MAPT: variants seen among roughly 807,000 people sequenced by gnomAD.
The protein encoded by MAPT is microtubule associated protein tau.
In MAPT, 34 loss-of-function variants were observed where a neutral mutation model predicts 67.9. The observed-to-expected ratio is 0.50, with a 90% confidence interval of 0.38 to 0.67. MAPT has a LOEUF of 0.67. Among genes scored for constraint, MAPT ranks in the 30% least tolerant of loss-of-function variants. The pLI, the probability that MAPT is intolerant of heterozygous loss-of-function variation, is 0.00. For missense variants in MAPT, 881 were observed against 1,115.2 expected (o/e 0.79, Z 2.99); for synonymous variants, 456 against 464.5 (o/e 0.98, Z 0.23).
rs2076845459 is a variant in MAPT at position 46,027,245 on chromosome 17, G to GTGGGGCAGGCTCT, written c.*3081_*3093dup. ...CGGAAGGCTCTGGGATCTCCCCCTT[G>GTGGGGCAGGCTCT]TGGGGCAGGCTCTTGGGGCCAGCCT... On this transcript the variant is annotated 3_prime_UTR_variant, in exon 13 of 13. Coordinates refer to ENST00000262410, the MANE Select transcript of MAPT (RefSeq NM_001377265.1). 1 of 146,112 alleles carries GTGGGGCAGGCTCT rather than the reference G, an allele frequency of 6.8e-6. No individual in the cohort carries two copies. The highest frequency in any genetic ancestry group is 2.4e-4 in the East Asian group (1 of 4,100). The allele number at this position is 146,112 out of a possible 1,614,324, so 9.1% of individuals were successfully genotyped here. A position where few individuals can be genotyped will look rare whatever the true frequency, so the allele number is the denominator to read the frequency against.
chr17:45,982,483 G>A (rs560385570), intron 4 of MAPT, among the ~76,000 whole-genome samples: 9 of 152,148 alleles, frequency 5.9e-5, no homozygotes, highest in East Asian at 5.8e-4. Flanking sequence ...TAGCCCTCCC[G>A]CTTTCCCAGT....
intron 1 of MAPT, among the ~76,000 whole-genome samples, chr17:45,936,466 A>G (rs901316669): frequency 1.5e-4 from 23 of 152,216 alleles, no homozygotes; most frequent in African/African-American, 5.3e-4. Context: ...CAGCATCAAT[A>G]ATGCATTCTG....
intron 9 of MAPT, among the ~76,000 whole-genome samples, chr17:46,002,180 G>A (rs1338323608): frequency 2.0e-5 from 3 of 152,206 alleles, no homozygotes; most frequent in African/African-American, 7.2e-5. Context: ...GACATCGCCC[G>A]ACAGGACAGA....
chr17:45,940,725 A>G (rs548440699), intron 1 of MAPT, among the ~76,000 whole-genome samples: 19 of 152,292 alleles, frequency 1.2e-4, no homozygotes, highest in African/African-American at 4.6e-4. Context: ...CATTTGCCAA[A>G]GTCTCAGGGA....
intron 1 of MAPT, among the ~76,000 whole-genome samples, chr17:45,934,857 ACCCTGGACC>A (rs1194924547): frequency 6.6e-6 from 1 of 151,736 alleles, no homozygotes; most frequent in African/African-American, 2.4e-5. Context: ...CAGAAGGTGG[ACCCTGGACC>A]TATGGCCTTT....
Position 46,024,177 on chromosome 17 carries a change from C to T in MAPT, c.*6C>T, listed in dbSNP as rs1489911288. The T allele has an allele frequency of 5.0e-6, 8 of 1,612,938 alleles. No homozygotes were observed. The Admixed American group carries it at 8.3e-5, about 17-fold the overall frequency. On this transcript the variant is annotated 3_prime_UTR_variant, in exon 13 of 13. Transcript: ENST00000262410. ...TGGCCAAGCAGGGTTTGTGATCAGG[C>T]CCCTGGGGCGGTCAATAATTGTGGA...
In MAPT at chr17:45,983,217, G is replaced by A. The variant is rs756266318; in HGVS notation, c.638G>A (p.Arg213Gln). 6.2e-6 allele frequency: 10 copies of A among 1,607,476 alleles called. 1 individual carries two copies. The East Asian group carries it at 6.7e-5, about 11-fold the overall frequency. The change falls in exon 5 of 13, where the codon CGA becomes CAA. Residue 213 changes from arginine to glutamine, a missense_variant. Arg to Gln is a conservative substitution (Grantham distance 43). This residue lies in a region of MAPT where 687 missense variants were observed against 766.1 expected (regional missense o/e 0.90). Coordinates refer to ENST00000262410, the MANE Select transcript of MAPT (RefSeq NM_001377265.1). ...SGKVVQEGFL[R>Q]EPGPPGLSHQ... Reference sequence around the variant, plus strand: ...AAGGTGGTCCAGGAAGGCTTCCTCCGAGAGCCAGGCCCCCCAGGTCTGAGC... The same window carrying A: ...AAGGTGGTCCAGGAAGGCTTCCTCCAAGAGCCAGGCCCCCCAGGTCTGAGC...
intron 2 of MAPT, among the ~76,000 whole-genome samples, chr17:45,963,264 T>C (rs1247196165): frequency 6.6e-6 from 1 of 152,226 alleles, no homozygotes; most frequent in Non-Finnish European, 1.5e-5. Context: ...TGACTTCGCC[T>C]CTTCCTCTCT....
intron 1 of MAPT, among the ~76,000 whole-genome samples, chr17:45,946,615 A>AAAAAAAAATATAT: frequency 1.4e-3 from 137 of 100,362 alleles, no homozygotes; most frequent in African/African-American, 5.5e-3. Flanking sequence ...AAAAAAAAAA[A>AAAAAAAAATATAT]ATATATATAT....
At chr17:45,940,580 GA>G (rs1260163271) in intron 1 of MAPT, among the ~76,000 whole-genome samples, 1 of 152,188 alleles carries the variant, frequency 6.6e-6, no homozygotes, top group African/African-American at 2.4e-5. Context: ...CCCAGGTAAG[GA>G]ATAGTTGGAG....
Position 45,991,598 on chromosome 17 carries a change from G to T in MAPT, c.1732+12G>T. 6.2e-7 allele frequency: 1 copy of T among 1,613,984 alleles called. No individual in the cohort carries two copies. Among genetic ancestry groups the T allele is most frequent in the Non-Finnish European group, 8.5e-7 (1 of 1,179,922 alleles). ...ACCACCCAGCTCTGGTAAGAAGAAC[G>T]TTCTCTTGAATCTTAGAGGAAGCTG... is the stretch of plus-strand genomic sequence containing the variant. On this transcript the variant is annotated intron_variant, in intron 8 of 12. Transcript: ENST00000262410.
chr17:45,932,009 G>C (rs1478684568), intron 1 of MAPT: 1 of 152,040 alleles, frequency 6.6e-6, no homozygotes, highest in Non-Finnish European at 1.5e-5. Flanking sequence ...TTGAACCCTG[G>C]GGGACAGAGG....
rs113695816 is a variant in MAPT at position 45,902,324 on chromosome 17, C to A, written c.-18+7638C>A. On this transcript the variant is annotated intron_variant, in intron 1 of 12. Transcript: ENST00000262410. ...GACCCAAGTGATCCACCCACCTCGG[C>A]CTCCCAAAGTGCTGGGATTACAGGT... 2.6e-5 allele frequency among the ~76,000 whole-genome samples: 4 copies of A among 152,318 alleles called. No individual in the cohort carries two copies. The South Asian group carries it at 8.3e-4, about 32-fold the overall frequency.
chr17:45,899,878 G>A (rs2063504754), intron 1 of MAPT, among the ~76,000 whole-genome samples: 1 of 152,110 alleles, frequency 6.6e-6, no homozygotes, highest in Non-Finnish European at 1.5e-5. Flanking sequence ...CCCAATCCAG[G>A]GTTTCTGGAC....
At chr17:45,981,897 G>A (rs2072988540) in intron 4 of MAPT, among the ~76,000 whole-genome samples, 1 of 151,898 alleles carries the variant, frequency 6.6e-6, no homozygotes, top group African/African-American at 2.4e-5. Flanking sequence ...GCATGCATCT[G>A]TGGTCCCAGC....
In MAPT at chr17:45,996,678, G is replaced by A. The variant is rs756684242; in HGVS notation, c.1998+14G>A. On this transcript the variant is annotated intron_variant, in intron 9 of 12. Coordinates refer to ENST00000262410, the MANE Select transcript of MAPT (RefSeq NM_001377265.1). This position sits in a 1 kb window ranked among gnomAD's most constrained non-coding sequence, Gnocchi z 4.5. ...GGAGGCGGGAAGGTGAGAGTGGCTG[G>A]CTGCGCGTGGAGGTGTGGGGGGCTG... 12 of 1,612,762 alleles carry A rather than the reference G, an allele frequency of 7.4e-6. No individual in the cohort carries two copies. The highest frequency in any genetic ancestry group is 4.4e-5 in the South Asian group (4 of 90,958).
In MAPT at chr17:45,983,830, G is replaced by A; in HGVS notation, c.1251G>A (p.Leu417=). 2.5e-6 allele frequency: 4 copies of A among 1,612,334 alleles called. No individual in the cohort carries two copies. Among genetic ancestry groups the A allele is most frequent in the Non-Finnish European group, 2.5e-6 (3 of 1,179,726 alleles). ...GEGPEARGPS[L]GEDTKEADLP... The stretch of plus-strand genomic sequence containing the variant: ...GGCCAGAGGCCCGGGGCCCCTCTTT[G>A]GGAGAGGACACAAAAGAGGCTGACC... Residue 417 remains leucine, a synonymous_variant, in exon 5 of 13, where the codon TTG becomes TTA. Coordinates refer to ENST00000262410, the MANE Select transcript of MAPT (RefSeq NM_001377265.1).
chr17:46,016,926 C>T (rs1050111909), intron 11 of MAPT, among the ~76,000 whole-genome samples: 1 of 152,262 alleles, frequency 6.6e-6, no homozygotes, highest in East Asian at 1.9e-4. Flanking sequence ...GCTGCCATAT[C>T]GGACGACACA....
chr17:46,012,696 T>C (rs1024193736), intron 10 of MAPT, among the ~76,000 whole-genome samples: 5 of 152,060 alleles, frequency 3.3e-5, no homozygotes, highest in Admixed American at 6.5e-5. Context: ...CCACCGGCCC[T>C]GGCTCCCACT....
Sources: gnomAD v4.1 joint callset for allele counts (sites outside exome capture counted in the v4.1 genomes callset) on GRCh38, gnomAD v4.1.1 for gene constraint, gnomAD v4.1.1 regional missense constraint, Gnocchi (gnomAD v3.1) non-coding constraint, MANE v1.5 for transcripts, NCBI Gene and HGNC (gene_info 2026-07-23, HGNC 2026-07-21) for gene names.